Variants in TULP4 observed in about 807,000 individuals in gnomAD.
TULP4 encodes TUB like protein 4.
Under a neutral mutation model 129.0 loss-of-function variants are expected in TULP4, and 16 were observed. The observed-to-expected ratio is 0.12, with a 90% CI of 0.08 to 0.19. The LOEUF (loss-of-function observed/expected upper bound fraction) is 0.19, where lower values mean the gene tolerates loss of function less well. Among genes scored for constraint, TULP4 ranks in the 10% least tolerant of loss-of-function variants. The probability of loss-of-function intolerance (pLI) is 1.00; values close to 1 mark genes in which losing one functional copy is unlikely to be tolerated. For missense variants in TULP4, 1,842 were observed against 2,059.1 expected (o/e 0.89, Z 2.04); for synonymous variants, 998 against 854.0 (o/e 1.17, Z -2.94).
intron 1 of TULP4, among the ~76,000 whole-genome samples, chr6:158,349,665 A>C (rs10455818): frequency 1.0e-3 from 116 of 113,268 alleles, no homozygotes; most frequent in Middle Eastern, 6.3e-3. Context: ...CGCTCCTCAC[A>C]TCCCAGACGG....
At chr6:158,364,861 C>T (rs62437400) in intron 1 of TULP4, among the ~76,000 whole-genome samples, 25,043 of 151,882 alleles carry the variant, frequency 0.16, 2,469 homozygotes, top group Middle Eastern at 0.23. Flanking sequence ...CTCAGCCTTC[C>T]GAGTTGTGGG....
In TULP4 at chr6:158,430,004, A is replaced by T. The variant is rs913183466; in HGVS notation, c.543+107A>T. ...TGGTGCAAAAGCCTCTTTAAGAATC[A>T]CAATGGAAAAGAACAATAAAACTGT... On this transcript the variant is annotated intron_variant, in intron 3 of 13. Coordinates refer to ENST00000367097, the MANE Select transcript of TULP4 (RefSeq NM_020245.5). 1.2e-5 allele frequency: 13 copies of T among 1,084,764 alleles called. No homozygotes were observed. The African/African-American group carries it at 1.8e-4, about 15-fold the overall frequency. 67.2% of individuals were successfully genotyped at this position (1,084,764 alleles called of 1,614,324 possible).
At chr6:158,467,802 C>T (rs768037059) in intron 6 of TULP4, among the ~76,000 whole-genome samples, 1 of 152,204 alleles carries the variant, frequency 6.6e-6, no homozygotes, top group Non-Finnish European at 1.5e-5. Context: ...CTCAGTTTAC[C>T]AGATGCCTCC....
Position 158,481,198 on chromosome 6 carries a change from G to A in TULP4, c.1395G>A (p.Leu465=). Residue 465 remains leucine (L), a synonymous_variant, in exon 8 of 14, where the codon CTG becomes CTA. Coordinates refer to ENST00000367097, the MANE Select transcript of TULP4 (RefSeq NM_020245.5). ...GCTACACGCTCTACCTGGAGTACCT[G>A]GGCGGGCTTGTGCCCATCCTCAAAG... ...GPCYTLYLEY[L]GGLVPILKGR... 1 of 1,614,230 alleles carries A rather than the reference G, an allele frequency of 6.2e-7. No individual in the cohort carries two copies. Among genetic ancestry groups the A allele is most frequent in the Non-Finnish European group, 8.5e-7 (1 of 1,180,030 alleles).
intron 1 of TULP4, among the ~76,000 whole-genome samples, chr6:158,300,585 G>T (rs941993896): frequency 2.6e-5 from 4 of 152,178 alleles, no homozygotes; most frequent in African/African-American, 9.7e-5. Context: ...ATATCCAGGG[G>T]CATTGTCTGT....
intron 1 of TULP4, among the ~76,000 whole-genome samples, chr6:158,356,951 G>T (rs1780661969): frequency 6.6e-6 from 1 of 152,164 alleles, no homozygotes; most frequent in South Asian, 2.1e-4. Context: ...CCCCAGCTGT[G>T]CCTAGCAACA....
chr6:158,265,684 A>AG (rs886203173), intron 1 of TULP4, among the ~76,000 whole-genome samples: 3 of 126,284 alleles, frequency 2.4e-5, no homozygotes, highest in Admixed American at 8.8e-5. Flanking sequence ...CCATCTCAGA[A>AG]GAAAAAAAAA....
At chr6:158,345,190 G>T (rs1311071516) in intron 1 of TULP4, among the ~76,000 whole-genome samples, 2 of 152,234 alleles carry the variant, frequency 1.3e-5, no homozygotes, top group Admixed American at 1.3e-4. Context: ...ACATAAAAGT[G>T]CAGGGTGAAT....
chr6:158,414,297 C>T (rs913627206), intron 2 of TULP4, among the ~76,000 whole-genome samples: 1 of 151,138 alleles, frequency 6.6e-6, no homozygotes, highest in Non-Finnish European at 1.5e-5. Context: ...TGAAGGAGAG[C>T]CACAGATGTA....
At chr6:158,240,496 A>T (rs1328290164) in intron 1 of TULP4, among the ~76,000 whole-genome samples, 2 of 70,050 alleles carry the variant, frequency 2.9e-5, no homozygotes, top group African/African-American at 4.7e-5. Flanking sequence ...TCCCTCCCGG[A>T]CAGGGCGGCT....
At chr6:158,302,832 G>T (rs1479740531) in intron 1 of TULP4, among the ~76,000 whole-genome samples, 1 of 151,894 alleles carries the variant, frequency 6.6e-6, no homozygotes, top group East Asian at 1.9e-4. Context: ...CACTGTGTCA[G>T]CAAATCTCTA....
intron 3 of TULP4, among the ~76,000 whole-genome samples, chr6:158,434,446 A>G (rs1313177658): frequency 6.6e-6 from 1 of 152,234 alleles, no homozygotes; most frequent in African/African-American, 2.4e-5. Flanking sequence ...TGGGAAAAAT[A>G]TCTGGGTCCT....
intron 6 of TULP4, among the ~76,000 whole-genome samples, chr6:158,477,675 A>G (rs930193158): frequency 6.6e-6 from 1 of 152,236 alleles, no homozygotes; most frequent in African/African-American, 2.4e-5. Flanking sequence ...GGGAGTGTAA[A>G]TTAGTTCGGC....
chr6:158,331,617 A>G (rs1456596831), intron 1 of TULP4, among the ~76,000 whole-genome samples: 1 of 150,108 alleles, frequency 6.7e-6, no homozygotes, highest in Admixed American at 6.7e-5. Flanking sequence ...GAATGGTATT[A>G]GAAACCAACA....
chr6:158,339,923 T>C (rs1343995298), intron 1 of TULP4, among the ~76,000 whole-genome samples: 2 of 152,216 alleles, frequency 1.3e-5, no homozygotes, highest in Non-Finnish European at 2.9e-5. Flanking sequence ...AGAATATTGA[T>C]TGGAGAAGTG....
At chr6:158,454,024 C>G (rs930414645) in intron 5 of TULP4, among the ~76,000 whole-genome samples, 2 of 147,618 alleles carry the variant, frequency 1.4e-5, no homozygotes, top group African/African-American at 2.5e-5. Context: ...CTGCACCGCC[C>G]CCCCCCAAGT....
intron 1 of TULP4, among the ~76,000 whole-genome samples, chr6:158,240,230 C>T (rs1583665854): frequency 4.0e-5 from 3 of 75,012 alleles, no homozygotes; most frequent in African/African-American, 4.6e-5. Flanking sequence ...GACCCCCCCA[C>T]CTCCCTCCCG....
At chr6:158,459,052 T>G (rs1562575175) in intron 5 of TULP4, among the ~76,000 whole-genome samples, 1 of 152,232 alleles carries the variant, frequency 6.6e-6, no homozygotes, top group East Asian at 1.9e-4. Context: ...GAAATGGCAT[T>G]ATTTACATGG....
upstream of TULP4, among the ~76,000 whole-genome samples, chr6:158,308,317 G>C (rs1458158844): frequency 6.6e-6 from 1 of 151,444 alleles, no homozygotes; most frequent in Non-Finnish European, 1.5e-5. Flanking sequence ...CAGGGTTGGG[G>C]GTAAGGTCAC....
Sources: gnomAD v4.1 joint callset for allele counts (sites outside exome capture counted in the v4.1 genomes callset) on GRCh38, gnomAD v4.1.1 for gene constraint, MANE v1.5 for transcripts, NCBI Gene and HGNC (gene_info 2026-07-23, HGNC 2026-07-21) for gene names.